The following FGF1 variants were observed in gnomAD, a reference collection of about 807,000 sequenced individuals.
FGF1 encodes the protein beta-endothelial cell growth factor.
Under a neutral mutation model 13.4 loss-of-function variants are expected in FGF1, and 9 were observed. That is an observed-to-expected ratio of 0.67 (90% CI 0.40 to 1.17). The LOEUF is 1.17. FGF1 is among the 50% of genes most tolerant of loss of function. The probability of loss-of-function intolerance (pLI) is 0.01; values close to 1 mark genes in which losing one functional copy is unlikely to be tolerated. For synonymous variants in FGF1, 93 were observed against 79.0 expected (o/e 1.18, Z -0.94); for missense variants, 156 against 192.7 (o/e 0.81, Z 1.13).
At chr5:142,661,987 A>G (rs1026386958) in intron 1 of FGF1, among the ~76,000 whole-genome samples, 4 of 152,050 alleles carry the variant, frequency 2.6e-5, no homozygotes, top group African/African-American at 9.7e-5. Flanking sequence ...GCGACAGAGC[A>G]AGACTGCGTC....
chr5:142,604,721 G>T (rs968283874), intron 2 of FGF1, among the ~76,000 whole-genome samples: 35 of 152,268 alleles, frequency 2.3e-4, no homozygotes, highest in African/African-American at 8.4e-4. Flanking sequence ...GCTGAAGTTT[G>T]GTGAGAGTGT....
chr5:142,610,600 G>C (rs1006097010), intron 2 of FGF1, among the ~76,000 whole-genome samples: 1 of 152,066 alleles, frequency 6.6e-6, no homozygotes, highest in Non-Finnish European at 1.5e-5. Flanking sequence ...CTCACAAACT[G>C]TGCCCATCAG....
At chr5:142,608,561 TATATATATATATATATATATATACAC>T (rs879425100) in intron 2 of FGF1, among the ~76,000 whole-genome samples, 6,399 of 101,924 alleles carry the variant, frequency 0.063, 315 homozygotes, top group African/African-American at 0.14. Flanking sequence ...TATATATATA[TATATATATATATATATATATATACAC>T]ACACACACAC....
At chr5:142,649,034 A>G (rs1766718646) in intron 1 of FGF1, among the ~76,000 whole-genome samples, 1 of 152,242 alleles carries the variant, frequency 6.6e-6, no homozygotes, top group Non-Finnish European at 1.5e-5. Context: ...AGAAAAACAA[A>G]AAGGAAAATA....
chr5:142,687,039 G>A (rs1302562296), upstream of FGF1, among the ~76,000 whole-genome samples: 4 of 152,152 alleles, frequency 2.6e-5, no homozygotes, highest in Admixed American at 6.5e-5. Context: ...GAAACCAAAT[G>A]AAAACATGAT....
At chr5:142,690,599 T>A (rs1403345233), upstream of FGF1, among the ~76,000 whole-genome samples, 1 of 150,430 alleles carries the variant, frequency 6.6e-6, no homozygotes, top group Non-Finnish European at 1.5e-5. Context: ...ATAATAGATG[T>A]TTGCACATTG....
chr5:142,671,785 A>G (rs1771511653), intron 1 of FGF1: 1 of 152,242 alleles, frequency 6.6e-6, no homozygotes, highest in Admixed American at 6.5e-5. Context: ...CATTTGTTTC[A>G]TTCCAGGCAG....
At chr5:142,661,904 G>A (rs747929196) in intron 1 of FGF1, among the ~76,000 whole-genome samples, 8 of 152,134 alleles carry the variant, frequency 5.3e-5, no homozygotes, top group African/African-American at 1.7e-4. Context: ...TTGGGAGGCT[G>A]AGGCAGGAGA....
At chr5:142,694,127 CTATCT>C (rs1445135755) in intron 2 of FGF1, among the ~76,000 whole-genome samples, 1 of 149,840 alleles carries the variant, frequency 6.7e-6, no homozygotes, top group Non-Finnish European at 1.5e-5. Flanking sequence ...ATCTATCTAT[CTATCT>C]ATCTATGTCT....
intron 1 of FGF1, among the ~76,000 whole-genome samples, chr5:142,675,205 G>T (rs1772307723): frequency 6.6e-6 from 1 of 152,166 alleles, no homozygotes; most frequent in Non-Finnish European, 1.5e-5. Flanking sequence ...CTTAGGGAGG[G>T]TCATAGTGGG....
At chr5:142,694,096 T>TATC (rs1752697051) in intron 2 of FGF1, among the ~76,000 whole-genome samples, 3 of 112,392 alleles carry the variant, frequency 2.7e-5, no homozygotes, top group South Asian at 5.2e-4. Context: ...ATAATCTATC[T>TATC]ATCTATCTAT....
At chr5:142,630,389 G>A (rs975955857) in intron 1 of FGF1, among the ~76,000 whole-genome samples, 1 of 152,104 alleles carries the variant, frequency 6.6e-6, no homozygotes, top group Non-Finnish European at 1.5e-5. Flanking sequence ...CAATTCACGA[G>A]CAGCTCCTAT....
upstream of FGF1, among the ~76,000 whole-genome samples, chr5:142,689,697 T>TG (rs1356147122): frequency 1.1e-4 from 9 of 82,514 alleles, no homozygotes; most frequent in Admixed American, 6.0e-4. Flanking sequence ...GATCCTAGTT[T>TG]TTTTTTTTTT....
intron 1 of FGF1, among the ~76,000 whole-genome samples, chr5:142,647,958 A>G (rs2339247): frequency 0.57 from 86,442 of 151,892 alleles, 25,631 homozygotes; most frequent in African/African-American, 0.74. Context: ...GGTGGTGCGC[A>G]CCTGTAATCC....
rs1267859807 is a variant in FGF1, at chr5:142,594,359, C to T, written c.*931G>A. 6.6e-6 allele frequency: 1 copy of T among 152,268 alleles called. No homozygotes were observed. The highest frequency in any genetic ancestry group is 6.5e-5 in the Admixed American group (1 of 15,282). 9.4% of individuals were successfully genotyped at this position (152,268 alleles called of 1,614,324 possible). On this transcript the variant is annotated 3_prime_UTR_variant, in exon 4 of 4. Transcript: ENST00000337706. ...CAAGCACTTCAGTGTTGGAGAAGCACTGGGCTAGGACCCCAAAGCCTCTGC... is the reference window on the plus strand; with the variant it reads ...CAAGCACTTCAGTGTTGGAGAAGCATTGGGCTAGGACCCCAAAGCCTCTGC...
At chr5:142,670,943 G>A (rs1024449100) in intron 1 of FGF1, among the ~76,000 whole-genome samples, 2 of 152,186 alleles carry the variant, frequency 1.3e-5, no homozygotes, top group African/African-American at 4.8e-5. Context: ...CTTCAGAAGC[G>A]CTTTATCACA....
In FGF1 at chr5:142,598,814, A is replaced by G. The variant is rs1755840484; in HGVS notation, c.273+1888T>C. Among the ~76,000 whole-genome samples, 5 of 152,184 alleles carry G rather than the reference A, an allele frequency of 3.3e-5. No individual in the cohort carries two copies. In the South Asian group the frequency reaches 1.0e-3, roughly 32 times the overall value. ...TAGTGATGGCCACGGCTATGGTGGG[A>G]GAAGGGGGTGCCTGGAGCCTATCGG... On this transcript the variant is annotated intron_variant, in intron 3 of 3. Transcript: ENST00000337706.
At position 142,593,230 on chromosome 5, in the gene FGF1, G is replaced by A. The variant is rs2151799090; in HGVS notation, c.*2060C>T. The stretch of plus-strand genomic sequence containing the variant: ...TAATTATCTTAGATTTCCTCTCTGG[G>A]TATCTTTTTCTGGCCAAATCTTCAT... On this transcript the variant is annotated 3_prime_UTR_variant, in exon 4 of 4. Coordinates refer to ENST00000337706, the MANE Select transcript of FGF1 (RefSeq NM_000800.5). The A allele has an allele frequency of 6.6e-6, 1 of 152,204 alleles. No homozygotes were observed. The highest frequency in any genetic ancestry group is 1.5e-5 in the Non-Finnish European group (1 of 68,004). 9.4% of individuals were successfully genotyped at this position (152,204 alleles called of 1,614,324 possible). A position where few individuals can be genotyped will look rare whatever the true frequency, so the allele number is the denominator to read the frequency against.
At chr5:142,611,594 G>A (rs1450960511) in intron 2 of FGF1, among the ~76,000 whole-genome samples, 2 of 152,192 alleles carry the variant, frequency 1.3e-5, no homozygotes, top group Admixed American at 1.3e-4. Flanking sequence ...GGCAGAGTAG[G>A]CTTGAACTCG....
Sources: gnomAD v4.1 joint callset for allele counts (sites outside exome capture counted in the v4.1 genomes callset) on GRCh38, gnomAD v4.1.1 for gene constraint, MANE v1.5 for transcripts, NCBI Gene and HGNC (gene_info 2026-07-23, HGNC 2026-07-21) for gene names.